The following GPHN variants were observed in gnomAD, a reference collection of about 807,000 sequenced individuals.
GPHN encodes gephyrin.
In GPHN, 17 loss-of-function variants were observed where a neutral mutation model predicts 95.5. That is an observed-to-expected ratio of 0.18 (90% CI 0.12 to 0.27). GPHN has a LOEUF of 0.27. Among genes scored for constraint, GPHN ranks in the 10% least tolerant of loss-of-function variants. GPHN has a pLI of 1.00. For synonymous variants in GPHN, 320 were observed against 322.5 expected, an observed-to-expected ratio of 0.99 and a Z score of 0.08; for missense variants, 660 against 978.1, an observed-to-expected ratio of 0.67 and a Z score of 4.34.
intron 16 of GPHN, among the ~76,000 whole-genome samples, chr14:67,120,583 G>A (rs1025324643): frequency 6.6e-6 from 1 of 152,050 alleles, no homozygotes; most frequent in Non-Finnish European, 1.5e-5. Flanking sequence ...CCTGATAACA[G>A]AGGAATCTTA....
chr14:66,563,064 A>G (rs1036373049), intron 1 of GPHN, among the ~76,000 whole-genome samples: 4 of 152,142 alleles, frequency 2.6e-5, no homozygotes, highest in African/African-American at 9.7e-5. Flanking sequence ...CCTACAAACT[A>G]TGCATTTAAA....
At chr14:67,304,562 T>C in the GPHN span, among the ~76,000 whole-genome samples, 2 of 152,224 alleles carry the variant, frequency 1.3e-5, no homozygotes, top group East Asian at 3.8e-4. Context: ...TATTGGTTCA[T>C]TTATATAAAA....
At chr14:66,517,450 T>C (rs532664367) in intron 1 of GPHN, among the ~76,000 whole-genome samples, 64 of 152,166 alleles carry the variant, frequency 4.2e-4, no homozygotes, top group Admixed American at 1.5e-3. Context: ...AAGTTAAAAT[T>C]TGTATGGAAC....
the GPHN span, among the ~76,000 whole-genome samples, chr14:67,353,399 C>G: frequency 1.3e-5 from 2 of 152,102 alleles, no homozygotes; most frequent in East Asian, 1.9e-4. Flanking sequence ...ACCTGTAATC[C>G]CAGCTACAGG....
chr14:66,879,643 C>T (rs2063835475), intron 4 of GPHN, among the ~76,000 whole-genome samples: 1 of 152,170 alleles, frequency 6.6e-6, no homozygotes, highest in South Asian at 2.1e-4. Flanking sequence ...TCTGAGGCCA[C>T]ATTTTTAGAA....
At chr14:67,043,347 A>G (rs781296344) in intron 10 of GPHN, among the ~76,000 whole-genome samples, 4 of 152,098 alleles carry the variant, frequency 2.6e-5, no homozygotes, top group South Asian at 2.1e-4. Context: ...TGCCCATTCA[A>G]TATGATATTG....
the GPHN span, among the ~76,000 whole-genome samples, chr14:67,498,281 TG>T: frequency 6.6e-6 from 1 of 152,186 alleles, no homozygotes; most frequent in Non-Finnish European, 1.5e-5. Context: ...TGAGCCACGA[TG>T]GGGGGTGGGC....
the GPHN span, among the ~76,000 whole-genome samples, chr14:67,356,434 C>CA: frequency 0.016 from 2,096 of 129,636 alleles, 26 homozygotes; most frequent in East Asian, 0.06. Context: ...AAAACAAAAA[C>CA]AAAAAAAAAA....
intron 4 of GPHN, among the ~76,000 whole-genome samples, chr14:66,834,759 G>C (rs2061725945): frequency 6.6e-6 from 1 of 150,802 alleles, no homozygotes; most frequent in African/African-American, 2.4e-5. Flanking sequence ...TCAGAATGAT[G>C]CTGGCCTCAT....
intron 5 of GPHN, among the ~76,000 whole-genome samples, chr14:66,880,477 C>CT (rs1354660930): frequency 6.6e-6 from 1 of 151,850 alleles, no homozygotes; most frequent in African/African-American, 2.4e-5. Context: ...TGTAAAGTTA[C>CT]TGTTTTCTGT....
chr14:67,431,906 T>G, the GPHN span, among the ~76,000 whole-genome samples: 1 of 152,222 alleles, frequency 6.6e-6, no homozygotes, highest in Non-Finnish European at 1.5e-5. Flanking sequence ...TTCTTCTTCA[T>G]TTTGCATATT....
At chr14:66,993,452 T>G (rs1302738496) in intron 9 of GPHN, among the ~76,000 whole-genome samples, 1 of 152,230 alleles carries the variant, frequency 6.6e-6, no homozygotes, top group African/African-American at 2.4e-5. Context: ...ATTGCATTTT[T>G]CTATTTATTA....
At chr14:66,946,762 C>T (rs2153576356) in intron 8 of GPHN, among the ~76,000 whole-genome samples, 1 of 152,250 alleles carries the variant, frequency 6.6e-6, no homozygotes, top group Admixed American at 6.5e-5. Flanking sequence ...TTAGTATTTT[C>T]ATAGATAAAA....
intron 8 of GPHN, among the ~76,000 whole-genome samples, chr14:66,952,447 G>T (rs1330945525): frequency 6.6e-6 from 1 of 152,072 alleles, no homozygotes; most frequent in Non-Finnish European, 1.5e-5. Flanking sequence ...TGGTCATTTG[G>T]GTTGTGTGTA....
intron 3 of GPHN, among the ~76,000 whole-genome samples, chr14:66,790,740 C>T (rs1195793217): frequency 6.6e-6 from 1 of 152,166 alleles, no homozygotes; most frequent in African/African-American, 2.4e-5. Flanking sequence ...CTCAGGGAAG[C>T]CAGAGAAAGT....
At chr14:66,952,169 C>T (rs533493830) in intron 8 of GPHN, among the ~76,000 whole-genome samples, 1 of 152,274 alleles carries the variant, frequency 6.6e-6, no homozygotes, top group East Asian at 1.9e-4. Context: ...AAAAAAACAC[C>T]TTACTCATTA....
chr14:67,508,069 T>C, the GPHN span, among the ~76,000 whole-genome samples: 1 of 144,358 alleles, frequency 6.9e-6, no homozygotes, highest in African/African-American at 2.6e-5. Flanking sequence ...ACCCGGGAGG[T>C]GGAGTTTGCT....
intron 11 of GPHN, among the ~76,000 whole-genome samples, chr14:67,075,615 T>A (rs555543869): frequency 6.6e-6 from 1 of 152,182 alleles, no homozygotes; most frequent in Non-Finnish European, 1.5e-5. Flanking sequence ...TAAGAGCATT[T>A]ATGATTCACG....
chr14:66,551,272 C>T (rs990146174), intron 1 of GPHN: 4 of 152,230 alleles, frequency 2.6e-5, no homozygotes, highest in Admixed American at 2.6e-4. Flanking sequence ...ACTGGAAAAG[C>T]AGCCAGTTGG....
Sources: gnomAD v4.1 joint callset for allele counts (sites outside exome capture counted in the v4.1 genomes callset) on GRCh38, gnomAD v4.1.1 for gene constraint, MANE v1.5 for transcripts, NCBI Gene and HGNC (gene_info 2026-07-23, HGNC 2026-07-21) for gene names.